The following UMAD1 variants were observed in gnomAD, a reference collection of about 807,000 sequenced individuals.
The protein encoded by UMAD1 is UBAP1-MVB12-associated (UMA)-domain containing protein 1.
In UMAD1, 8 loss-of-function variants were observed where a neutral mutation model predicts 6.1. The ratio of observed to expected loss-of-function variants is 1.30; its 90% confidence interval spans 0.76 to 2.35. The LOEUF (loss-of-function observed/expected upper bound fraction) is 2.35, where lower values mean the gene tolerates loss of function less well. Ranked by LOEUF, UMAD1 falls within the 30% of genes most tolerant of loss-of-function variation. UMAD1 has a pLI of 0.00. For missense variants in UMAD1, 130 were observed against 78.4 expected, an observed-to-expected ratio of 1.66 and a Z score of -2.49; for synonymous variants, 56 against 31.4, an observed-to-expected ratio of 1.78 and a Z score of -2.61.
At chr7:7,677,546 C>G (rs1779773114) in intron 2 of UMAD1, among the ~76,000 whole-genome samples, 2 of 151,990 alleles carry the variant, frequency 1.3e-5, no homozygotes, top group African/African-American at 4.8e-5. Context: ...TTTACATGAT[C>G]TCCTCTAGTA....
At chr7:7,736,233 T>C (rs1781357057) in intron 2 of UMAD1, 1 of 152,288 alleles carries the variant, frequency 6.6e-6, no homozygotes, top group African/African-American at 2.4e-5. Flanking sequence ...AAACTTAGTT[T>C]TTGAAAGTGT....
chr7:7,875,173 T>C (rs538764923), intron 3 of UMAD1, among the ~76,000 whole-genome samples: 1 of 152,300 alleles, frequency 6.6e-6, no homozygotes, highest in East Asian at 1.9e-4. Context: ...CCAGAATCTC[T>C]GGGACACAGC....
chr7:7,870,723 C>T (rs1784317224), intron 3 of UMAD1, among the ~76,000 whole-genome samples: 1 of 152,158 alleles, frequency 6.6e-6, no homozygotes. Flanking sequence ...GCTTATATTT[C>T]TCCCCTTCCA....
chr7:7,833,920 T>G (rs1039686267), intron 3 of UMAD1, among the ~76,000 whole-genome samples: 2 of 152,100 alleles, frequency 1.3e-5, no homozygotes, highest in Non-Finnish European at 2.9e-5. Flanking sequence ...CAAGCACTGG[T>G]TTCCAAGGAG....
chr7:7,713,418 A>G (rs1176968210), intron 2 of UMAD1, among the ~76,000 whole-genome samples: 2 of 149,972 alleles, frequency 1.3e-5, no homozygotes, highest in Non-Finnish European at 3.0e-5. Flanking sequence ...TTTTTAAATG[A>G]TATCTTCTTA....
At chr7:7,726,008 G>T (rs112228075) in intron 2 of UMAD1, among the ~76,000 whole-genome samples, 1 of 152,236 alleles carries the variant, frequency 6.6e-6, no homozygotes, top group African/African-American at 2.4e-5. Context: ...GCACCTGGTT[G>T]TGCACTTTGC....
intron 2 of UMAD1, among the ~76,000 whole-genome samples, chr7:7,725,933 C>T (rs1359940602): frequency 6.6e-6 from 1 of 152,230 alleles, no homozygotes; most frequent in African/African-American, 2.4e-5. Context: ...ACAGCCTCTT[C>T]TTAGGACATC....
At chr7:7,816,077 G>A (rs1265391868) in intron 3 of UMAD1, among the ~76,000 whole-genome samples, 1 of 152,114 alleles carries the variant, frequency 6.6e-6, no homozygotes, top group Non-Finnish European at 1.5e-5. Context: ...AATGCTGGTA[G>A]GACCTTTACA....
At chr7:7,745,612 G>A (rs1781557563) in intron 2 of UMAD1, among the ~76,000 whole-genome samples, 1 of 152,202 alleles carries the variant, frequency 6.6e-6, no homozygotes, top group African/African-American at 2.4e-5. Context: ...ACAGGTCAGG[G>A]AAAGCTGAGT....
At chr7:7,685,283 G>A (rs1780015664) in intron 2 of UMAD1, among the ~76,000 whole-genome samples, 1 of 151,240 alleles carries the variant, frequency 6.6e-6, no homozygotes, top group African/African-American at 2.4e-5. Flanking sequence ...TATTATGAAG[G>A]GAAGAATTAT....
chr7:7,687,031 C>T (rs1193154881), intron 2 of UMAD1, among the ~76,000 whole-genome samples: 1 of 152,148 alleles, frequency 6.6e-6, no homozygotes, highest in African/African-American at 2.4e-5. Context: ...GTTGCCATAC[C>T]AGTCCTTTGA....
intron 3 of UMAD1, among the ~76,000 whole-genome samples, chr7:7,855,791 C>G (rs1784006435): frequency 6.6e-6 from 1 of 152,184 alleles, no homozygotes; most frequent in African/African-American, 2.4e-5. Flanking sequence ...TCTACTGTAT[C>G]ATCTGGATGC....
intron 2 of UMAD1, among the ~76,000 whole-genome samples, chr7:7,717,017 G>A (rs1373302813): frequency 6.6e-6 from 1 of 151,806 alleles, no homozygotes; most frequent in Non-Finnish European, 1.5e-5. Context: ...CTGCACGAGG[G>A]AGCTTTCCTC....
At chr7:7,790,484 A>G (rs1021134135) in intron 2 of UMAD1, among the ~76,000 whole-genome samples, 19 of 152,268 alleles carry the variant, frequency 1.2e-4, no homozygotes, top group South Asian at 2.1e-4. Flanking sequence ...TCATAACCCT[A>G]AACTTGGATT....
intron 2 of UMAD1, chr7:7,735,636 C>G (rs1781342703): frequency 6.6e-6 from 1 of 152,294 alleles, no homozygotes; most frequent in African/African-American, 2.4e-5. Context: ...TCTCGAACTC[C>G]TGACCTCAGG....
chr7:7,739,695 A>G (rs923783362), intron 2 of UMAD1, among the ~76,000 whole-genome samples: 4 of 152,232 alleles, frequency 2.6e-5, no homozygotes, highest in Admixed American at 2.0e-4. Context: ...TCCTGATATT[A>G]TGTTAAAAAT....
chr7:7,641,198 G>T (rs1245411002), intron 1 of UMAD1: 1 of 152,176 alleles, frequency 6.6e-6, no homozygotes, highest in African/African-American at 2.4e-5. Context: ...AGATTGATCC[G>T]ATTACTTCTA....
intron 2 of UMAD1, among the ~76,000 whole-genome samples, chr7:7,713,923 C>T (rs1287488719): frequency 6.6e-6 from 1 of 152,154 alleles, no homozygotes. Flanking sequence ...CAGCCTCGAC[C>T]TCCTAGTCTC....
intron 2 of UMAD1, among the ~76,000 whole-genome samples, chr7:7,781,323 C>T (rs557680553): frequency 2.6e-5 from 4 of 152,058 alleles, no homozygotes; most frequent in East Asian, 1.9e-4. Context: ...CTTCCCCTCC[C>T]GACCTTATTC....
Sources: gnomAD v4.1 joint callset for allele counts (sites outside exome capture counted in the v4.1 genomes callset) on GRCh38, gnomAD v4.1.1 for gene constraint, MANE v1.5 for transcripts, NCBI Gene and HGNC (gene_info 2026-07-23, HGNC 2026-07-21) for gene names.